PDIA4: variants seen among roughly 807,000 people sequenced by gnomAD.
The protein encoded by PDIA4 is protein disulfide isomerase family A member 4.
PDIA4 carries 33 observed loss-of-function variants against 62.1 expected under a neutral mutation model. That is an observed-to-expected ratio of 0.53 (90% CI 0.40 to 0.71). The LOEUF (loss-of-function observed/expected upper bound fraction) is 0.71, where lower values mean the gene tolerates loss of function less well. PDIA4 is among the 30% of genes least tolerant of loss of function. PDIA4 has a pLI of 0.00. For synonymous variants in PDIA4, 341 were observed against 324.1 expected, an observed-to-expected ratio of 1.05 and a Z score of -0.56; for missense variants, 804 against 813.6, an observed-to-expected ratio of 0.99 and a Z score of 0.14.
At chr7:149,009,802 AT>A in intron 6 of PDIA4, among the ~76,000 whole-genome samples, 1 of 152,342 alleles carries the variant, frequency 6.6e-6, no homozygotes, top group East Asian at 1.9e-4. Context: ...TATGGCCAGA[AT>A]GGGTGTGTGG....
At chr7:149,004,724 C>T (rs887898580) in intron 9 of PDIA4, among the ~76,000 whole-genome samples, 4 of 152,222 alleles carry the variant, frequency 2.6e-5, no homozygotes, top group African/African-American at 7.2e-5. Flanking sequence ...CCAGACTTTG[C>T]CCTGTCTGGG....
intron 3 of PDIA4, among the ~76,000 whole-genome samples, chr7:149,017,053 A>G (rs554458018): frequency 1.8e-4 from 28 of 152,200 alleles, no homozygotes; most frequent in Non-Finnish European, 4.0e-4. Flanking sequence ...ATTACATCCA[A>G]CTGACACCAT....
chr7:149,009,815 CCA>C (rs1563120289), intron 6 of PDIA4, among the ~76,000 whole-genome samples: 1 of 152,204 alleles, frequency 6.6e-6, no homozygotes, highest in African/African-American at 2.4e-5. Context: ...GGTGTGTGGG[CCA>C]CAGTGTCAAC....
chr7:149,026,773 T>C (rs530319595), intron 1 of PDIA4, among the ~76,000 whole-genome samples: 1 of 141,910 alleles, frequency 7.0e-6, no homozygotes. Flanking sequence ...CACTCAAGCC[T>C]GGGCAACAAT....
intron 2 of PDIA4, among the ~76,000 whole-genome samples, chr7:149,020,093 C>T (rs1326981771): frequency 6.6e-6 from 1 of 152,080 alleles, no homozygotes; most frequent in Non-Finnish European, 1.5e-5. Flanking sequence ...CCCGAATAGC[C>T]GGGACTACAG....
chr7:149,003,661 A>G lies in PDIA4; in HGVS notation c.*133T>C. The G allele has an allele frequency of 1.7e-6, 1 of 595,564 alleles. No homozygotes were observed. Among genetic ancestry groups the G allele is most frequent in the South Asian group, 3.5e-5 (1 of 28,828 alleles). 36.9% of individuals were successfully genotyped at this position (595,564 alleles called of 1,614,324 possible). A position where few individuals can be genotyped will look rare whatever the true frequency, so the allele number is the denominator to read the frequency against. On this transcript the variant is annotated 3_prime_UTR_variant, in exon 10 of 10. Coordinates refer to ENST00000652332, the MANE Select transcript of PDIA4 (RefSeq NM_004911.5). ...ATTCAGAGCATGAAGTGAAACACCA[A>G]AGTATAAAAAATTAAAAAAAAAAAA...
rs1824641833 is a variant in PDIA4 at position 149,028,471 on chromosome 7, G to A, written c.-63C>T. Reference sequence around the variant, plus strand: ...GCCGCTGAGCGCACCGAGAACTCGGGGTCTGGCCGACAGCCCGTCGCTCCT... The same window carrying A: ...GCCGCTGAGCGCACCGAGAACTCGGAGTCTGGCCGACAGCCCGTCGCTCCT... On this transcript the variant is annotated 5_prime_UTR_variant, in exon 1 of 10. Transcript: ENST00000652332. The A allele has an allele frequency of 8.4e-7, 1 of 1,185,402 alleles. No individual in the cohort carries two copies. The highest frequency in any genetic ancestry group is 1.1e-6 in the Non-Finnish European group (1 of 880,378). The allele number at this position is 1,185,402 out of a possible 1,614,324, so 73.4% of individuals were successfully genotyped here. A position where few individuals can be genotyped will look rare whatever the true frequency, so the allele number is the denominator to read the frequency against.
chr7:149,003,722 T>G lies in PDIA4; in HGVS notation c.*72A>C. The G allele has an allele frequency of 1.0e-6, 1 of 960,252 alleles. No individual in the cohort carries two copies. The highest frequency in any genetic ancestry group is 1.5e-6 in the Non-Finnish European group (1 of 687,016). The allele number at this position is 960,252 out of a possible 1,614,324, so 59.5% of individuals were successfully genotyped here. On this transcript the variant is annotated 3_prime_UTR_variant, in exon 10 of 10. Coordinates refer to ENST00000652332, the MANE Select transcript of PDIA4 (RefSeq NM_004911.5). ...GAGATACTGTCGTTTGTTGCCGGCC[T>G]CGGCGTGGACGCCCCGACCATGGGC... is the stretch of plus-strand genomic sequence containing the variant.
intron 2 of PDIA4, 85 bp downstream of exon 2, chr7:149,020,882 C>T: frequency 6.6e-7 from 1 of 1,524,780 alleles, no homozygotes; most frequent in Non-Finnish European, 8.8e-7. Flanking sequence ...TACCCCACCC[C>T]CCAAGGTCTG....
chr7:149,018,160 C>T (rs13230031), intron 3 of PDIA4, among the ~76,000 whole-genome samples: 2,734 of 151,602 alleles, frequency 0.018, 39 homozygotes, highest in East Asian at 0.073. Context: ...ACCCAGGAGG[C>T]GGAGGTTGCA....
chr7:149,026,464 CACG>C (rs1824560652), intron 1 of PDIA4, among the ~76,000 whole-genome samples: 1 of 152,166 alleles, frequency 6.6e-6, no homozygotes, highest in Admixed American at 6.5e-5. Flanking sequence ...TCCCGGTTAA[CACG>C]GTGAAACCCC....
At chr7:149,015,902 A>G (rs1824121076) in intron 3 of PDIA4, among the ~76,000 whole-genome samples, 2 of 152,234 alleles carry the variant, frequency 1.3e-5, no homozygotes, top group South Asian at 4.1e-4. Flanking sequence ...AACATAGCAT[A>G]CACTGCTCTA....
intron 1 of PDIA4, among the ~76,000 whole-genome samples, chr7:149,026,343 T>C (rs1198769497): frequency 6.6e-6 from 1 of 151,622 alleles, no homozygotes; most frequent in African/African-American, 2.4e-5. Context: ...ACCCCATCTC[T>C]ACCAAAAAAA....
At position 149,019,082 on chromosome 7, in the gene PDIA4, C is replaced by G. The variant is rs569816561; in HGVS notation, c.385G>C (p.Ala129Pro). 2.5e-6 allele frequency: 4 copies of G among 1,613,736 alleles called. No individual in the cohort carries two copies. The Admixed American group carries it at 6.7e-5, about 27-fold the overall frequency. Residue 129 changes from alanine (A) to proline (P), a missense_variant, in exon 3 of 10, where the codon GCC becomes CCC. Physicochemically the swap from Ala to Pro is conservative, Grantham distance 27. Transcript: ENST00000652332. ...TAGCCACTCACATCAAACCTGCTGG[C>G]CAGCACAGACGCTGAGGTTGCATCG... Reference protein sequence around the residue: ...KIDATSASVLASRFDVSGYPT... With the variant: ...KIDATSASVLPSRFDVSGYPT...
At chr7:149,020,544 C>A (rs989321284) in intron 2 of PDIA4, among the ~76,000 whole-genome samples, 1 of 152,186 alleles carries the variant, frequency 6.6e-6, no homozygotes, top group Non-Finnish European at 1.5e-5. Context: ...ACCACACAGG[C>A]CAACAGCCTG....
intron 3 of PDIA4, among the ~76,000 whole-genome samples, chr7:149,017,508 C>T (rs542525110): frequency 6.1e-4 from 93 of 152,146 alleles, no homozygotes; most frequent in Admixed American, 1.0e-3. Context: ...CACTTGAATC[C>T]GGGAGGTGGA....
rs572447893 is a variant in PDIA4 at position 149,006,525 on chromosome 7, G to T, written c.1132-472C>A. 2.8e-3 allele frequency among the ~76,000 whole-genome samples: 423 copies of T among 152,354 alleles called. 2 individuals carry two copies. Among genetic ancestry groups the T allele is most frequent in the African/African-American group, 9.6e-3 (399 of 41,584 alleles). ...GAGCAAGGTCAGCCACCTGCCCAAG[G>T]CTGCGCAGCCAGCAAGTGGTGGGTG... is the stretch of plus-strand genomic sequence containing the variant. On this transcript the variant is annotated intron_variant, in intron 7 of 9. Coordinates refer to ENST00000652332, the MANE Select transcript of PDIA4 (RefSeq NM_004911.5).
intron 3 of PDIA4, among the ~76,000 whole-genome samples, chr7:149,016,188 G>A (rs750916146): frequency 1.3e-5 from 2 of 152,156 alleles, no homozygotes; most frequent in Admixed American, 6.5e-5. Context: ...CCAGCTACTC[G>A]GGAGGCTGAG....
At chr7:149,020,444 C>T (rs1480284818) in intron 2 of PDIA4, among the ~76,000 whole-genome samples, 1 of 152,158 alleles carries the variant, frequency 6.6e-6, no homozygotes, top group Non-Finnish European at 1.5e-5. Flanking sequence ...AGAGCTCTAA[C>T]GGTCTGCACT....
Sources: gnomAD v4.1 joint callset for allele counts (sites outside exome capture counted in the v4.1 genomes callset) on GRCh38, gnomAD v4.1.1 for gene constraint, MANE v1.5 for transcripts, NCBI Gene and HGNC (gene_info 2026-07-23, HGNC 2026-07-21) for gene names.